The following GFM2 variants were observed in gnomAD, a reference collection of about 807,000 sequenced individuals.
The protein encoded by GFM2 is ribosome-releasing factor 2, mitochondrial.
A neutral mutation model predicts 95.4 loss-of-function variants in GFM2; 72 were observed. The observed-to-expected ratio is 0.76, with a 90% confidence interval of 0.62 to 0.92. The LOEUF is 0.92. Ranked by LOEUF, GFM2 falls within the 40% of genes least tolerant of loss-of-function variation. The pLI is 0.00. For synonymous variants in GFM2, 276 were observed against 317.5 expected, an observed-to-expected ratio of 0.87 and a Z score of 1.39; for missense variants, 825 against 924.1, an observed-to-expected ratio of 0.89 and a Z score of 1.39.
intron 17 of GFM2, among the ~76,000 whole-genome samples, chr5:74,728,782 C>T (rs1354996945): frequency 2.7e-5 from 2 of 74,380 alleles, no homozygotes; most frequent in African/African-American, 6.7e-5. Flanking sequence ...TTTGAGATGG[C>T]GTCTCACTCT....
At chr5:74,747,830 T>C in intron 7 of GFM2, 50 bp from the exon 8 acceptor site, 1 of 1,021,116 alleles carries the variant, frequency 9.8e-7, no homozygotes, top group Non-Finnish European at 1.5e-6. Flanking sequence ...AGTAACTATG[T>C]TACTAGACCT....
At chr5:74,731,297 CAT>C (rs1472893737) in intron 16 of GFM2, among the ~76,000 whole-genome samples, 6 of 152,324 alleles carry the variant, frequency 3.9e-5, no homozygotes, top group African/African-American at 1.4e-4. Context: ...CTTGAACCTT[CAT>C]ATGAGGGAGA....
chr5:74,761,466 A>G (rs1744278905), intron 2 of GFM2, among the ~76,000 whole-genome samples: 1 of 152,204 alleles, frequency 6.6e-6, no homozygotes, highest in Non-Finnish European at 1.5e-5. Context: ...GTTTTCCTCT[A>G]CATCTGCTGA....
intron 17 of GFM2, among the ~76,000 whole-genome samples, chr5:74,727,947 C>A (rs1750223351): frequency 6.6e-6 from 1 of 152,046 alleles, no homozygotes; most frequent in African/African-American, 2.4e-5. Flanking sequence ...ATCATGAGAA[C>A]CTATTTCTCC....
intron 5 of GFM2, among the ~76,000 whole-genome samples, chr5:74,754,801 C>T (rs1166844870): frequency 6.6e-6 from 1 of 152,094 alleles, no homozygotes; most frequent in Non-Finnish European, 1.5e-5. Flanking sequence ...GACAGGTCAT[C>T]AAGACAAAAG....
chr5:74,725,917 C>T (rs776814499), intron 18 of GFM2, 24 bp downstream of exon 18: 3 of 1,592,100 alleles, frequency 1.9e-6, no homozygotes, highest in Non-Finnish European at 2.6e-6. Flanking sequence ...GATACTAATG[C>T]TTACTCTCAT....
intron 11 of GFM2, 41 bp from the exon 12 acceptor site, chr5:74,740,178 T>C (rs768637054): frequency 1.3e-6 from 2 of 1,556,210 alleles, no homozygotes; most frequent in Non-Finnish European, 1.7e-6. Context: ...TTTTGTGTAC[T>C]GGTCTTGGCG....
rs185670358 is a variant in GFM2 at position 74,732,978 on chromosome 5, A to T, written c.1587+44T>A. On this transcript the variant is annotated intron_variant, in intron 16 of 20. Coordinates refer to ENST00000296805, the MANE Select transcript of GFM2 (RefSeq NM_032380.5). ...CACACACACACACACACACACACACACTCTTATAGAAAGGCTTCTGGAGTT... is the reference window on the plus strand; with the variant it reads ...CACACACACACACACACACACACACTCTCTTATAGAAAGGCTTCTGGAGTT... 3.9e-3 allele frequency: 3,735 copies of T among 946,742 alleles called. 62 individuals carry two copies. The East Asian group carries it at 0.044, about 11-fold the overall frequency. The allele number at this position is 946,742 out of a possible 1,614,324, so 58.6% of individuals were successfully genotyped here. A position where few individuals can be genotyped will look rare whatever the true frequency, so the allele number is the denominator to read the frequency against.
intron 3 of GFM2, among the ~76,000 whole-genome samples, chr5:74,760,422 G>T (rs1744218603): frequency 6.6e-6 from 1 of 152,106 alleles, no homozygotes; most frequent in Non-Finnish European, 1.5e-5. Flanking sequence ...TTCAAACACA[G>T]AAAGGACATT....
intron 10 of GFM2, 29 bp from the exon 11 acceptor site, chr5:74,741,638 A>G (rs1282401146): frequency 1.7e-6 from 2 of 1,154,860 alleles, no homozygotes; most frequent in Non-Finnish European, 2.5e-6. Context: ...GAGTTCTATA[A>G]CTTGCATTTA....
chr5:74,721,504 A>ACT lies in GFM2; in HGVS notation c.*149_*150dup. 3.3e-6 allele frequency: 3 copies of ACT among 898,250 alleles called. No individual in the cohort carries two copies. The highest frequency in any genetic ancestry group is 3.5e-4 in the Middle Eastern group (1 of 2,870). 55.6% of individuals were successfully genotyped at this position (898,250 alleles called of 1,614,324 possible). A position where few individuals can be genotyped will look rare whatever the true frequency, so the allele number is the denominator to read the frequency against. On this transcript the variant is annotated 3_prime_UTR_variant, in exon 21 of 21. Coordinates refer to ENST00000296805, the MANE Select transcript of GFM2 (RefSeq NM_032380.5). ...AATTAAAACGGGTGGCTCCAGTGCC[A>ACT]CTATCAAAGCTTAAGTTATATCTTT...
rs911465680 is a variant in GFM2 at position 74,725,752 on chromosome 5, G to A, written c.1916C>T (p.Pro639Leu). 5.6e-6 allele frequency: 9 copies of A among 1,609,224 alleles called. No individual in the cohort carries two copies. Among genetic ancestry groups the A allele is most frequent in the Non-Finnish European group, 7.7e-6 (9 of 1,175,908 alleles). ...NGIHSACLQGPLLGSPIQDVA... is the reference protein window; with the variant it reads ...NGIHSACLQGLLLGSPIQDVA... ...ATCCTGAATTGGGGATCCAAGCAAT[G>A]GTCCTAGACAAGGGAAAAAAATTGT... The change falls in exon 19 of 21, where the codon CCA (proline) becomes CTA (leucine). Residue 639 changes from proline to leucine, a missense_variant. Pro to Leu is a moderately conservative substitution (Grantham distance 98, BLOSUM62 -3). Coordinates refer to ENST00000296805, the MANE Select transcript of GFM2 (RefSeq NM_032380.5).
At chr5:74,760,067 A>C (rs1744196881) in intron 3 of GFM2, among the ~76,000 whole-genome samples, 2 of 152,190 alleles carry the variant, frequency 1.3e-5, no homozygotes, top group Admixed American at 1.3e-4. Flanking sequence ...GTAATTTCTA[A>C]AGAAACAAGG....
At chr5:74,741,783 G>A (rs1014685033) in intron 10 of GFM2, 174 bp from the exon 11 acceptor site, 2 of 440,736 alleles carry the variant, frequency 4.5e-6, no homozygotes, top group Non-Finnish European at 8.2e-6. Flanking sequence ...TCTTTGAAAG[G>A]AAAAGAAATG....
Position 74,721,765 on chromosome 5 carries a change from G to C in GFM2, c.2230C>G (p.Arg744Gly), listed in dbSNP as rs35080306. 0.018 allele frequency: 28,237 copies of C among 1,612,260 alleles called. 273 individuals are homozygous for C. The highest frequency in any genetic ancestry group is 0.026 in the Admixed American group (1,551 of 59,716). The change falls in exon 21 of 21, where the codon CGA becomes GGA. Residue 744 changes from arginine to glycine, a missense_variant. Transcript: ENST00000296805. ...AEIMGYSTVL[R>G]TLTSGSATFA... Reference sequence around the variant, plus strand: ...GTAGCTGAGCCTGATGTTAGCGTTCGAAGCACAGTTGAATAACCCTAATCA... The same window carrying C: ...GTAGCTGAGCCTGATGTTAGCGTTCCAAGCACAGTTGAATAACCCTAATCA...
At chr5:74,738,673 A>C in intron 12 of GFM2, 31 bp from the exon 13 acceptor site, 1 of 1,582,436 alleles carries the variant, frequency 6.3e-7, no homozygotes, top group South Asian at 1.2e-5. Flanking sequence ...AAAGGCCTAT[A>C]AAATACACTT....
At chr5:74,755,104 G>C (rs1194153362) in intron 5 of GFM2, among the ~76,000 whole-genome samples, 1 of 152,018 alleles carries the variant, frequency 6.6e-6, no homozygotes, top group Non-Finnish European at 1.5e-5. Flanking sequence ...TCAAAAAAGA[G>C]ACAATGGATT....
Position 74,746,130 on chromosome 5 carries a change from AACT to A in GFM2, c.641_643del (p.Lys214_Leu215delinsIle). 6.5e-7 allele frequency: 1 copy of A among 1,549,594 alleles called. No individual in the cohort carries two copies. Among genetic ancestry groups the A allele is most frequent in the African/African-American group, 1.4e-5 (1 of 71,990 alleles). On this transcript the variant is annotated inframe_deletion, in exon 9 of 21. Coordinates refer to ENST00000296805, the MANE Select transcript of GFM2 (RefSeq NM_032380.5). ...CTGTAAAAGCAAAGGCTTTGCCTTTAACTTCTCTCTGATGCTTTCAACTGCATA... is the reference window on the plus strand; with the variant it reads ...CTGTAAAAGCAAAGGCTTTGCCTTTATCTCTCTGATGCTTTCAACTGCATA...
chr5:74,764,122 C>A (rs531236739), intron 1 of GFM2, among the ~76,000 whole-genome samples: 2 of 152,170 alleles, frequency 1.3e-5, no homozygotes, highest in African/African-American at 4.8e-5. Flanking sequence ...TAAGCATCCA[C>A]ATATTAACTT....
Sources: allele counts gnomAD v4.1 joint callset (sites outside exome capture counted in the v4.1 genomes callset), GRCh38; gene constraint gnomAD v4.1.1; transcripts MANE v1.5; gene names NCBI Gene and HGNC (gene_info 2026-07-23, HGNC 2026-07-21).